SETD5: variants seen among roughly 807,000 people sequenced by gnomAD.
SETD5 encodes the protein SET domain containing 5.
SETD5 carries 44 observed loss-of-function variants against 153.3 expected under a neutral mutation model. That is an observed-to-expected ratio of 0.29 (90% CI 0.23 to 0.37). SETD5 has a LOEUF of 0.37. Among genes scored for constraint, SETD5 ranks in the 10% least tolerant of loss-of-function variants. The pLI is 1.00. For synonymous variants in SETD5, 716 were observed against 645.2 expected (o/e 1.11, Z -1.66); for missense variants, 1,544 against 1,768.0 (o/e 0.87, Z 2.27).
intron 1 of SETD5, among the ~76,000 whole-genome samples, chr3:9,423,977 A>G (rs993560267): frequency 5.3e-5 from 8 of 152,200 alleles, no homozygotes; most frequent in Non-Finnish European, 8.8e-5. Context: ...AGGACAAGAA[A>G]CTAGATGGTG....
Position 9,448,226 on chromosome 3 carries a change from G to A in SETD5, c.2104-162G>A, listed in dbSNP as rs188955177. Among the ~76,000 whole-genome samples, 251 of 152,286 alleles carry A rather than the reference G, an allele frequency of 1.6e-3. 1 individual carries two copies. The highest frequency in any genetic ancestry group is 3.0e-3 in the Non-Finnish European group (202 of 68,014). On this transcript the variant is annotated intron_variant, in intron 15 of 22. Coordinates refer to ENST00000402198, the MANE Select transcript of SETD5 (RefSeq NM_001080517.3). ...TGAAATTATTCCTCTCTTAGTGGGC[G>A]TGGAGAGGGTGAAGGAAGATATCCT...
intron 7 of SETD5, among the ~76,000 whole-genome samples, chr3:9,438,283 C>T (rs2040834926): frequency 6.6e-6 from 1 of 152,140 alleles, no homozygotes; most frequent in Non-Finnish European, 1.5e-5. Context: ...GCTTTAGCTT[C>T]CCCTTTATTT....
rs1055189067 is a variant in SETD5, at chr3:9,476,412, G to C, written c.*321G>C. 1.2e-5 allele frequency: 3 copies of C among 259,796 alleles called. No individual in the cohort carries two copies. The East Asian group carries it at 2.1e-4, about 18-fold the overall frequency. 16.1% of individuals were successfully genotyped at this position (259,796 alleles called of 1,614,324 possible). A position where few individuals can be genotyped will look rare whatever the true frequency, so the allele number is the denominator to read the frequency against. Reference sequence around the variant, plus strand: ...GTTGAAGCCTCCGTCTCCCATCCTTGCCTGTAGCCCGTAGTCACTTGTGCA... The same window carrying C: ...GTTGAAGCCTCCGTCTCCCATCCTTCCCTGTAGCCCGTAGTCACTTGTGCA... On this transcript the variant is annotated 3_prime_UTR_variant, in exon 23 of 23. Transcript: ENST00000402198.
intron 1 of SETD5, among the ~76,000 whole-genome samples, chr3:9,412,921 G>C (rs983720106): frequency 1.4e-4 from 21 of 150,774 alleles, no homozygotes; most frequent in Non-Finnish European, 7.4e-5. Flanking sequence ...TTGAAACAAG[G>C]TCTTGCTATG....
chr3:9,465,594 G>C (rs1356361506), intron 18 of SETD5, among the ~76,000 whole-genome samples: 2 of 152,122 alleles, frequency 1.3e-5, no homozygotes, highest in Non-Finnish European at 2.9e-5. Context: ...TTCCTATTCA[G>C]CTTTTCCAAG....
intron 16 of SETD5, among the ~76,000 whole-genome samples, chr3:9,450,169 A>C (rs2042455707): frequency 6.6e-6 from 1 of 152,198 alleles, no homozygotes; most frequent in South Asian, 2.1e-4. Context: ...AAGCTTTTTT[A>C]ACTTGGTTCT....
At chr3:9,472,054 T>C (rs1454471314) in intron 19 of SETD5, among the ~76,000 whole-genome samples, 1 of 152,242 alleles carries the variant, frequency 6.6e-6, no homozygotes, top group Admixed American at 6.5e-5. Context: ...TGGATTAAGA[T>C]AATAATTGAT....
chr3:9,454,637 A>C (rs1341315435), intron 17 of SETD5, among the ~76,000 whole-genome samples: 40 of 151,148 alleles, frequency 2.6e-4, no homozygotes, highest in African/African-American at 9.0e-4. Flanking sequence ...AAAAAAAAAA[A>C]AAAAAAAAAA....
chr3:9,430,833 A>G, intron 3 of SETD5: 1 of 985,424 alleles, frequency 1.0e-6, no homozygotes, highest in South Asian at 4.7e-5. Flanking sequence ...CTGGTCTACA[A>G]ATGTGACTGC....
intron 1 of SETD5, among the ~76,000 whole-genome samples, chr3:9,416,292 C>G (rs2037446739): frequency 6.6e-6 from 1 of 152,174 alleles, no homozygotes; most frequent in African/African-American, 2.4e-5. Flanking sequence ...GTGATATAAT[C>G]AGTCCTTATC....
intron 1 of SETD5, among the ~76,000 whole-genome samples, chr3:9,413,239 A>G (rs933542472): frequency 3.3e-5 from 5 of 152,168 alleles, no homozygotes; most frequent in Non-Finnish European, 7.4e-5. Context: ...ATGAGTTTAT[A>G]CTAAGAGGGA....
chr3:9,440,362 A>C (rs915333953), intron 7 of SETD5, 94 bp from the exon 8 acceptor site: 3 of 679,700 alleles, frequency 4.4e-6, no homozygotes, highest in Non-Finnish European at 7.9e-6. Context: ...CCAAGTGATA[A>C]ATTTTCTCTG....
intron 18 of SETD5, among the ~76,000 whole-genome samples, chr3:9,467,097 G>A (rs894049621): frequency 3.3e-5 from 5 of 150,508 alleles, no homozygotes; most frequent in African/African-American, 1.2e-4. Context: ...TACTCGGGAG[G>A]CCAAGGCAAA....
At chr3:9,401,368 CTGT>C (rs1233922124) in intron 1 of SETD5, among the ~76,000 whole-genome samples, 2 of 152,158 alleles carry the variant, frequency 1.3e-5, no homozygotes, top group African/African-American at 2.4e-5. Flanking sequence ...CTCGAATTTC[CTGT>C]TGTTTGGAAC....
chr3:9,440,659 A>G lies in SETD5; in HGVS notation c.771A>G (p.Glu257=). ...TTTTAGACACTATTAATAAGACTGA[A>G]TTGGCCTGTAATAACACAGTTATTG... The part of the protein sequence containing the change: ...PTILDTINKT[E]LACNNTVIGS... The change falls in exon 8 of 23, where the codon GAA becomes GAG. Residue 257 remains glutamate, a synonymous_variant. Coordinates refer to ENST00000402198, the MANE Select transcript of SETD5 (RefSeq NM_001080517.3). 6.2e-7 allele frequency: 1 copy of G among 1,613,732 alleles called. No homozygotes were observed. Among genetic ancestry groups the G allele is most frequent in the Non-Finnish European group, 8.5e-7 (1 of 1,179,748 alleles).
chr3:9,448,326 G>C, intron 15 of SETD5, 62 bp from the exon 16 acceptor site: 1 of 1,567,098 alleles, frequency 6.4e-7, no homozygotes, highest in South Asian at 1.2e-5. Context: ...GATGACGTTT[G>C]TCTTTATGAA....
intron 1 of SETD5, among the ~76,000 whole-genome samples, chr3:9,399,177 C>G (rs1248943245): frequency 6.6e-6 from 1 of 152,168 alleles, no homozygotes; most frequent in African/African-American, 2.4e-5. Flanking sequence ...ATTTACATTT[C>G]TTTGTTGGAC....
At chr3:9,406,228 A>C (rs2035630157) in intron 1 of SETD5, among the ~76,000 whole-genome samples, 1 of 152,234 alleles carries the variant, frequency 6.6e-6, no homozygotes, top group Non-Finnish European at 1.5e-5. Flanking sequence ...ATATTTTTAA[A>C]AAAACTTTTA....
intron 6 of SETD5, among the ~76,000 whole-genome samples, chr3:9,435,346 A>G (rs1180345843): frequency 1.3e-5 from 2 of 152,082 alleles, no homozygotes; most frequent in African/African-American, 4.8e-5. Flanking sequence ...AGACCACTGT[A>G]TAGTTCTCTC....
Sources: gnomAD v4.1 joint callset for allele counts (sites outside exome capture counted in the v4.1 genomes callset) on GRCh38, gnomAD v4.1.1 for gene constraint, MANE v1.5 for transcripts, NCBI Gene and HGNC (gene_info 2026-07-23, HGNC 2026-07-21) for gene names.